Variants in TSPAN9 observed in about 807,000 individuals in gnomAD.
The protein encoded by TSPAN9 is tetraspanin 9.
Under a neutral mutation model 31.0 loss-of-function variants are expected in TSPAN9, and 16 were observed. The observed-to-expected ratio is 0.52, with a 90% CI of 0.35 to 0.78. TSPAN9 has a LOEUF of 0.78. Among genes scored for constraint, TSPAN9 ranks in the 30% least tolerant of loss-of-function variants. The probability of loss-of-function intolerance (pLI) is 0.01; values close to 1 mark genes in which losing one functional copy is unlikely to be tolerated. For missense variants in TSPAN9, 272 were observed against 312.5 expected (o/e 0.87, Z 0.98); for synonymous variants, 145 against 121.6 (o/e 1.19, Z -1.27).
At chr12:3,194,083 A>G (rs966280852) in intron 2 of TSPAN9, among the ~76,000 whole-genome samples, 1 of 152,054 alleles carries the variant, frequency 6.6e-6, no homozygotes, top group Non-Finnish European at 1.5e-5. Context: ...CCTTGAGGAG[A>G]GCTCAAGATT....
At chr12:3,243,613 G>A (rs763772958) in intron 3 of TSPAN9, among the ~76,000 whole-genome samples, 5 of 152,132 alleles carry the variant, frequency 3.3e-5, no homozygotes, top group African/African-American at 9.7e-5. Context: ...CGTGGGGACC[G>A]ATGAGGTGGA....
chr12:3,078,425 C>T (rs2098296206), intron 1 of TSPAN9, among the ~76,000 whole-genome samples: 1 of 152,134 alleles, frequency 6.6e-6, no homozygotes, highest in Non-Finnish European at 1.5e-5. Context: ...CTATATATAC[C>T]TGCCAGCTCC....
intron 3 of TSPAN9, among the ~76,000 whole-genome samples, chr12:3,234,118 G>A (rs1385301654): frequency 6.6e-6 from 1 of 152,170 alleles, no homozygotes; most frequent in Non-Finnish European, 1.5e-5. Context: ...TCTGCCAAGT[G>A]CCTATAAAAA....
chr12:3,227,790 A>G (rs551102479), intron 3 of TSPAN9, among the ~76,000 whole-genome samples: 70 of 152,266 alleles, frequency 4.6e-4, no homozygotes, highest in Admixed American at 1.9e-3. Flanking sequence ...AGGCTTGAAG[A>G]CAGGAGGAAG....
chr12:3,186,032 A>G (rs750662288), intron 2 of TSPAN9, among the ~76,000 whole-genome samples: 1 of 152,210 alleles, frequency 6.6e-6, no homozygotes, highest in Non-Finnish European at 1.5e-5. Flanking sequence ...TAGAGGCTAA[A>G]TGAAGTGCGA....
chr12:3,233,319 CTG>C (rs1005721214), intron 3 of TSPAN9, among the ~76,000 whole-genome samples: 6 of 152,220 alleles, frequency 3.9e-5, no homozygotes, highest in Non-Finnish European at 8.8e-5. Flanking sequence ...GTAAGAAACA[CTG>C]TGGAATCCAC....
chr12:3,235,544 A>G (rs188961304), intron 3 of TSPAN9, among the ~76,000 whole-genome samples: 1 of 152,206 alleles, frequency 6.6e-6, no homozygotes, highest in Non-Finnish European at 1.5e-5. Context: ...ACTTCCCTTG[A>G]GTCCTTGTCT....
intron 2 of TSPAN9, among the ~76,000 whole-genome samples, chr12:3,175,506 T>G (rs1311750928): frequency 6.6e-6 from 1 of 152,196 alleles, no homozygotes; most frequent in Non-Finnish European, 1.5e-5. Context: ...TTCCCATCTC[T>G]CTGGGTTCAT....
At chr12:3,277,630 C>G (rs931318586) in intron 3 of TSPAN9, among the ~76,000 whole-genome samples, 1 of 152,188 alleles carries the variant, frequency 6.6e-6, no homozygotes, top group Non-Finnish European at 1.5e-5. Flanking sequence ...CTATATCGAG[C>G]ATAAAATAAG....
intron 2 of TSPAN9, among the ~76,000 whole-genome samples, chr12:3,119,734 G>A (rs1465572752): frequency 6.6e-6 from 1 of 152,144 alleles, no homozygotes. Flanking sequence ...TGAGCCATTG[G>A]CAGGTGAGAG....
intron 2 of TSPAN9, among the ~76,000 whole-genome samples, chr12:3,091,327 T>C (rs1380934832): frequency 2.6e-5 from 4 of 152,248 alleles, no homozygotes; most frequent in Non-Finnish European, 2.9e-5. Flanking sequence ...CACAATGGAC[T>C]CGACACCGTG....
At chr12:3,178,159 C>A (rs866304002) in intron 2 of TSPAN9, among the ~76,000 whole-genome samples, 1 of 152,134 alleles carries the variant, frequency 6.6e-6, no homozygotes, top group Admixed American at 6.5e-5. Flanking sequence ...CTTTCCTCAC[C>A]GTCTCCGCTA....
Position 3,201,245 on chromosome 12 carries a change from T to G in TSPAN9, c.52T>G (p.Leu18Val), listed in dbSNP as rs200001388. The G allele has an allele frequency of 6.2e-7, 1 of 1,613,970 alleles. No homozygotes were observed. The highest frequency in any genetic ancestry group is 8.5e-7 in the Non-Finnish European group (1 of 1,180,024). The change falls in exon 3 of 9, where the codon TTG (leucine) becomes GTG (valine). Residue 18 changes from leucine to valine, a missense_variant. Coordinates refer to ENST00000011898, the MANE Select transcript of TSPAN9 (RefSeq NM_006675.5). ...CLKYMMFLFN[L>V]IFWLCGCGLL... ...GAAGTACATGATGTTCCTCTTCAAT[T>G]TGATATTCTGGGTAAGTCCTTCCGT...
In TSPAN9 at chr12:3,147,473, C is replaced by T. The variant is rs2098337804; in HGVS notation, c.-17-53704C>T. Among the ~76,000 whole-genome samples the T allele has an allele frequency of 6.6e-6, 1 of 151,942 alleles. No homozygotes were observed. Among genetic ancestry groups the T allele is most frequent in the South Asian group, 2.1e-4 (1 of 4,826 alleles). On this transcript the variant is annotated intron_variant, in intron 2 of 8. Coordinates refer to ENST00000011898, the MANE Select transcript of TSPAN9 (RefSeq NM_006675.5). This position sits in a 1 kb window ranked among gnomAD's most constrained non-coding sequence, Gnocchi z 4.3. ...CCACCGACGCGACGGGAAGTGGCCT[C>T]TCCCTCCTTCAGGATCGCCCCCACC...
In TSPAN9 at chr12:3,270,409, G is replaced by A. The variant is rs146405782; in HGVS notation, c.64-8012G>A. ...CTCTGGTCCTTGCTATCTAGGCATCGCCGTGTTGGGGACTGGGCCATCTCT... is the reference window on the plus strand; with the variant it reads ...CTCTGGTCCTTGCTATCTAGGCATCACCGTGTTGGGGACTGGGCCATCTCT... On this transcript the variant is annotated intron_variant, in intron 3 of 8. Coordinates refer to ENST00000011898, the MANE Select transcript of TSPAN9 (RefSeq NM_006675.5). Among the ~76,000 whole-genome samples the A allele has an allele frequency of 9.2e-5, 14 of 152,256 alleles. No individual in the cohort carries two copies. In the South Asian group the frequency reaches 1.0e-3, roughly 11 times the overall value.
At chr12:3,265,421 T>G (rs969413707) in intron 3 of TSPAN9, among the ~76,000 whole-genome samples, 13 of 152,256 alleles carry the variant, frequency 8.5e-5, no homozygotes, top group African/African-American at 3.1e-4. Flanking sequence ...GGAAAACAAA[T>G]GGCAAAGCAT....
At chr12:3,098,479 C>T (rs962338970) in intron 2 of TSPAN9, among the ~76,000 whole-genome samples, 17 of 152,154 alleles carry the variant, frequency 1.1e-4, no homozygotes, top group African/African-American at 4.1e-4. Context: ...ATCAGTTGCA[C>T]CTGTCTAGAA....
chr12:3,109,798 C>CA (rs147799673), intron 2 of TSPAN9, among the ~76,000 whole-genome samples: 22,034 of 91,650 alleles, frequency 0.24, 2,151 homozygotes, highest in East Asian at 0.39. Flanking sequence ...AACTCTGTCT[C>CA]AAAAAAAAAA....
chr12:3,265,973 C>G (rs1337167267), intron 3 of TSPAN9, among the ~76,000 whole-genome samples: 8 of 152,150 alleles, frequency 5.3e-5, no homozygotes, highest in Non-Finnish European at 8.8e-5. Flanking sequence ...GGACTCAGTT[C>G]TTGGTGTGTG....
Sources: allele counts gnomAD v4.1 joint callset (sites outside exome capture counted in the v4.1 genomes callset), GRCh38; gene constraint gnomAD v4.1.1; non-coding constraint Gnocchi (gnomAD v3.1); transcripts MANE v1.5; gene names NCBI Gene and HGNC (gene_info 2026-07-23, HGNC 2026-07-21).